Variants in PDZD2 observed in about 807,000 individuals in gnomAD.
The protein encoded by PDZD2 is PDZ domain containing 2, also known as PDZ domain-containing protein 2.
In PDZD2, 90 loss-of-function variants were observed where a neutral mutation model predicts 220.7. The observed-to-expected ratio is 0.41, with a 90% CI of 0.34 to 0.49. The LOEUF (loss-of-function observed/expected upper bound fraction) is 0.49, where lower values mean the gene tolerates loss of function less well. Among genes scored for constraint, PDZD2 ranks in the 20% least tolerant of loss-of-function variants. PDZD2 has a pLI of 0.28. For missense variants in PDZD2, 3,174 were observed against 3,608.5 expected (o/e 0.88, Z 3.08); for synonymous variants, 1,375 against 1,450.5 (o/e 0.95, Z 1.18).
At chr5:32,051,706 G>A (rs921780096) in intron 8 of PDZD2, among the ~76,000 whole-genome samples, 7 of 152,178 alleles carry the variant, frequency 4.6e-5, no homozygotes, top group Non-Finnish European at 7.3e-5. Context: ...GAGCTGCTGC[G>A]TGTCAGGAAG....
At chr5:31,694,526 A>G (rs1443987181) in intron 1 of PDZD2, among the ~76,000 whole-genome samples, 1 of 152,204 alleles carries the variant, frequency 6.6e-6, no homozygotes, top group African/African-American at 2.4e-5. Flanking sequence ...TTGTATCTCT[A>G]CATTTTCTCG....
intron 3 of PDZD2, among the ~76,000 whole-genome samples, chr5:31,988,577 A>G (rs956358704): frequency 6.6e-6 from 1 of 152,086 alleles, no homozygotes; most frequent in Non-Finnish European, 1.5e-5. Context: ...AGGCATGATC[A>G]TTTGTTAACT....
At position 32,041,142 on chromosome 5, in the gene PDZD2, G is replaced by A. The variant is rs1223194935; in HGVS notation, c.1519+3800G>A. On this transcript the variant is annotated intron_variant, in intron 7 of 24. Transcript: ENST00000438447. The stretch of plus-strand genomic sequence containing the variant: ...CCCGGCCGCCCCGTCTGGGAAGTGG[G>A]GAGCGCCTCTGCCCGGCCGCCCCGT... Among the ~76,000 whole-genome samples the A allele has an allele frequency of 2.4e-3, 354 of 145,588 alleles. 48 individuals carry two copies. Among genetic ancestry groups the A allele is most frequent in the African/African-American group, 8.7e-3 (337 of 38,566 alleles).
chr5:31,975,608 C>T (rs901257813), intron 2 of PDZD2, among the ~76,000 whole-genome samples: 30 of 152,244 alleles, frequency 2.0e-4, no homozygotes, highest in Admixed American at 1.8e-3. Context: ...CTTCCTCAGT[C>T]TCTTCCTTCA....
Position 31,947,595 on chromosome 5 carries a change from G to A in PDZD2, c.477-35560G>A, listed in dbSNP as rs576805887. On this transcript the variant is annotated intron_variant, in intron 2 of 24. Transcript: ENST00000438447. ...CATTCCTGTAATCCCAGCAGTTTGG[G>A]AAGCTGAAGCAGTTAGATTGCTTGA... 2.0e-5 allele frequency among the ~76,000 whole-genome samples: 3 copies of A among 152,336 alleles called. No individual in the cohort carries two copies. In the South Asian group the frequency reaches 6.2e-4, roughly 32 times the overall value.
At chr5:31,738,525 A>T (rs1052304258) in intron 1 of PDZD2, 1 of 152,092 alleles carries the variant, frequency 6.6e-6, no homozygotes, top group African/African-American at 2.4e-5. Flanking sequence ...CTATTGCCAA[A>T]CTATTGCTGC....
intron 1 of PDZD2, among the ~76,000 whole-genome samples, chr5:31,736,887 G>A (rs1434401449): frequency 1.3e-5 from 2 of 151,922 alleles, no homozygotes; most frequent in African/African-American, 4.8e-5. Flanking sequence ...AATGTGTGTG[G>A]CACCTCCCCC....
chr5:31,690,291 G>C (rs1471151811), intron 1 of PDZD2, among the ~76,000 whole-genome samples: 3 of 152,084 alleles, frequency 2.0e-5, no homozygotes, highest in African/African-American at 7.2e-5. Flanking sequence ...AACTTGTGGA[G>C]TTGTTGGACA....
At chr5:32,065,419 G>T (rs1740124688) in intron 14 of PDZD2, among the ~76,000 whole-genome samples, 1 of 152,170 alleles carries the variant, frequency 6.6e-6, no homozygotes, top group Non-Finnish European at 1.5e-5. Context: ...TTGATGGACT[G>T]GTACACCACT....
chr5:31,847,890 T>G, intron 2 of PDZD2: 2 of 487,690 alleles, frequency 4.1e-6, no homozygotes, highest in Non-Finnish European at 8.0e-6. Flanking sequence ...GCAGATTACA[T>G]GCGTTACCTA....
rs1743068902 is a variant in PDZD2 at position 32,090,861 on chromosome 5, C to T, written c.7413C>T (p.His2471=). ...PVKRNKSSVR[H]TQPSPVSRSK... is the part of the protein sequence containing the mutation. ...AGAGGAACAAGTCCTCGGTACGCCA[C>T]ACGCAGCCCTCGCCCGTGTCCCGCT... The change falls in exon 20 of 25, where the codon CAC becomes CAT. Residue 2471 remains histidine (H), a synonymous_variant. Coordinates refer to ENST00000438447, the MANE Select transcript of PDZD2 (RefSeq NM_178140.4). The surrounding 1 kb of genome is among the most constrained non-coding windows in gnomAD (Gnocchi z 4.3). 1 of 1,613,958 alleles carries T rather than the reference C, an allele frequency of 6.2e-7. No homozygotes were observed.
rs771456469 is a variant in PDZD2, at chr5:31,983,563, A to G, written c.885A>G (p.Pro295=). 6.2e-7 allele frequency: 1 copy of G among 1,614,196 alleles called. No homozygotes were observed. Among genetic ancestry groups the G allele is most frequent in the Non-Finnish European group, 8.5e-7 (1 of 1,180,022 alleles). Residue 295 remains proline (P), a synonymous_variant, in exon 3 of 25, where the codon CCA becomes CCG. Coordinates refer to ENST00000438447, the MANE Select transcript of PDZD2 (RefSeq NM_178140.4). ...ACAGAGGGACAGAGCATAGAATTCC[A>G]AAGACAGATGCTCCTCTGACCACAA... ...EVDRGTEHRI[P]KTDAPLTTSN...
At chr5:31,682,968 T>A (rs1746706971) in intron 1 of PDZD2, among the ~76,000 whole-genome samples, 1 of 152,076 alleles carries the variant, frequency 6.6e-6, no homozygotes, top group Admixed American at 6.6e-5. Flanking sequence ...CCAAGTCAGA[T>A]GGGAGTCATT....
chr5:31,781,079 C>T (rs1753037919), intron 1 of PDZD2, among the ~76,000 whole-genome samples: 1 of 152,148 alleles, frequency 6.6e-6, no homozygotes, highest in Admixed American at 6.5e-5. Context: ...AAAGCTGAGG[C>T]CCCTGATGGG....
intron 1 of PDZD2, among the ~76,000 whole-genome samples, chr5:31,765,845 C>T (rs545915137): frequency 2.0e-5 from 3 of 152,060 alleles, no homozygotes; most frequent in Non-Finnish European, 4.4e-5. Context: ...TGTGGCTAGT[C>T]GTGAGCTGCT....
intron 1 of PDZD2, among the ~76,000 whole-genome samples, chr5:31,717,924 T>C (rs1748549639): frequency 6.6e-6 from 1 of 152,170 alleles, no homozygotes; most frequent in Non-Finnish European, 1.5e-5. Flanking sequence ...AGGGACAAAT[T>C]TGTGGTAGAC....
rs771054147 is a variant in PDZD2, at chr5:32,089,862, A to T, written c.6414A>T (p.Glu2138Asp). The part of the protein sequence containing the change: ...SEIRLYRQVA[E>D]SSTSHPSSLP... ...TCAGGCTCTATCGCCAGGTCGCAGAATCATCCACAAGTCATCCATCCTCAC... is the reference window on the plus strand; with the variant it reads ...TCAGGCTCTATCGCCAGGTCGCAGATTCATCCACAAGTCATCCATCCTCAC... The change falls in exon 20 of 25, where the codon GAA (glutamate) becomes GAT (aspartate). Residue 2138 changes from glutamate (E) to aspartate (D), a missense_variant. Coordinates refer to ENST00000438447, the MANE Select transcript of PDZD2 (RefSeq NM_178140.4). 2 of 1,613,180 alleles carry T rather than the reference A, an allele frequency of 1.2e-6. No homozygotes were observed. The highest frequency in any genetic ancestry group is 1.7e-6 in the Non-Finnish European group (2 of 1,179,330).
chr5:31,729,923 G>A (rs909416796), intron 1 of PDZD2, among the ~76,000 whole-genome samples: 3 of 152,154 alleles, frequency 2.0e-5, no homozygotes, highest in Non-Finnish European at 4.4e-5. Flanking sequence ...TGTCTCCTGG[G>A]TTCAAGCAAT....
chr5:31,856,232 C>T (rs536457499), intron 2 of PDZD2, among the ~76,000 whole-genome samples: 64 of 152,240 alleles, frequency 4.2e-4, no homozygotes, highest in African/African-American at 1.5e-3. Flanking sequence ...GCCTCCGTGG[C>T]TCCTTTTGCT....
Sources: gnomAD v4.1 joint callset for allele counts (sites outside exome capture counted in the v4.1 genomes callset) on GRCh38, gnomAD v4.1.1 for gene constraint, Gnocchi (gnomAD v3.1) non-coding constraint, MANE v1.5 for transcripts, NCBI Gene and HGNC (gene_info 2026-07-23, HGNC 2026-07-21) for gene names.